Variants in DNAH10 observed in about 807,000 individuals in gnomAD.
DNAH10 encodes the protein dynein axonemal heavy chain 10.
Under a neutral mutation model 506.6 loss-of-function variants are expected in DNAH10, and 348 were observed. That is an observed-to-expected ratio of 0.69 (90% confidence interval 0.63 to 0.75). DNAH10 has a LOEUF of 0.75. DNAH10 is among the 30% of genes least tolerant of loss of function. The pLI is 0.00. For missense variants in DNAH10, 5,179 were observed against 5,787.1 expected, an observed-to-expected ratio of 0.89 and a Z score of 3.41; for synonymous variants, 2,059 against 2,198.6, an observed-to-expected ratio of 0.94 and a Z score of 1.78.
chr12:123,768,906 C>T (rs1411518887), intron 2 of DNAH10, among the ~76,000 whole-genome samples: 1 of 151,664 alleles, frequency 6.6e-6, no homozygotes. Context: ...GCCTGGATGA[C>T]ATTTTGATTT....
chr12:123,857,511 C>T (rs1401699250), intron 37 of DNAH10, among the ~76,000 whole-genome samples: 4 of 152,162 alleles, frequency 2.6e-5, no homozygotes, highest in Admixed American at 6.5e-5. Flanking sequence ...GGGTGGATCA[C>T]GAGGTCAAGA....
intron 48 of DNAH10, 35 bp downstream of exon 48, chr12:123,877,943 C>G (rs1952332910): frequency 1.3e-6 from 2 of 1,599,104 alleles, no homozygotes; most frequent in Admixed American, 3.5e-5. Context: ...ATATGCCCCA[C>G]AGGTATGATA....
At position 123,893,454 on chromosome 12, in the gene DNAH10, T is replaced by C; in HGVS notation, c.9199+18T>C. The C allele has an allele frequency of 6.2e-7, 1 of 1,611,658 alleles. No individual in the cohort carries two copies. The highest frequency in any genetic ancestry group is 2.2e-5 in the East Asian group (1 of 44,868). On this transcript the variant is annotated intron_variant, in intron 53 of 78. Transcript: ENST00000673944. The stretch of plus-strand genomic sequence containing the variant: ...CTTCCCAGGTACCCGCGGTGGAGCC[T>C]GTGAACCCATTTCCCCTGCTTTGGC...
At position 123,889,614 on chromosome 12, in the gene DNAH10, G is replaced by A. The variant is rs537545021; in HGVS notation, c.8995+2301G>A. Among the ~76,000 whole-genome samples, 11 of 152,324 alleles carry A rather than the reference G, an allele frequency of 7.2e-5. No individual in the cohort carries two copies. The South Asian group carries it at 2.3e-3, about 32-fold the overall frequency. On this transcript the variant is annotated intron_variant, in intron 52 of 78. Coordinates refer to ENST00000673944, the MANE Select transcript of DNAH10 (RefSeq NM_001372106.1). ...AAGGGGAGTTGCTGTGAGAGAGAGT[G>A]TGGGCAGGAGCATCTCAGGGCAGAC...
intron 2 of DNAH10, among the ~76,000 whole-genome samples, chr12:123,769,568 C>G (rs927973962): frequency 6.6e-6 from 1 of 152,128 alleles, no homozygotes; most frequent in Non-Finnish European, 1.5e-5. Flanking sequence ...GCTTCGGAGC[C>G]CAGTACATCC....
chr12:123,915,779 C>T (rs1307165754), intron 62 of DNAH10, among the ~76,000 whole-genome samples: 1 of 152,188 alleles, frequency 6.6e-6, no homozygotes, highest in Non-Finnish European at 1.5e-5. Context: ...TGCTGAGGGA[C>T]AGTTGGGTTG....
intron 48 of DNAH10, 130 bp from the exon 49 acceptor site, chr12:123,879,134 G>T (rs994936818): frequency 1.4e-6 from 1 of 695,082 alleles, no homozygotes; most frequent in East Asian, 2.7e-5. Flanking sequence ...GTGAGACTAG[G>T]GGGGCACGAC....
At chr12:123,766,163 A>G (rs7301897) in intron 1 of DNAH10, among the ~76,000 whole-genome samples, 22,379 of 151,774 alleles carry the variant, frequency 0.15, 3,176 homozygotes, top group African/African-American at 0.37. Flanking sequence ...CTATACATCT[A>G]TCTCTCTCTA....
At chr12:123,791,130 CA>C (rs983309372) in intron 11 of DNAH10, among the ~76,000 whole-genome samples, 2 of 149,754 alleles carry the variant, frequency 1.3e-5, no homozygotes, top group African/African-American at 2.5e-5. Flanking sequence ...GACTCTGTCT[CA>C]AAAAAAACCC....
chr12:123,906,731 A>G (rs528765718), intron 57 of DNAH10, among the ~76,000 whole-genome samples: 203 of 152,158 alleles, frequency 1.3e-3, no homozygotes, highest in African/African-American at 4.7e-3. Flanking sequence ...GTTTTTCCAG[A>G]TGAGTAAAAT....
chr12:123,796,653 C>T lies in DNAH10; in HGVS notation c.1987-3C>T, dbSNP rs1246986095. 1 of 1,592,908 alleles carries T rather than the reference C, an allele frequency of 6.3e-7. No homozygotes were observed. Among genetic ancestry groups the T allele is most frequent in the Non-Finnish European group, 8.5e-7 (1 of 1,169,652 alleles). On this transcript the variant is annotated splice_polypyrimidine_tract_variant and splice_region_variant and intron_variant, in intron 12 of 78. Coordinates refer to ENST00000673944, the MANE Select transcript of DNAH10 (RefSeq NM_001372106.1). ...TTACAGAAGCTGTTTGATTGCTTTTCAGATTGACATCATTAATAAAATCTT... is the reference window on the plus strand; with the variant it reads ...TTACAGAAGCTGTTTGATTGCTTTTTAGATTGACATCATTAATAAAATCTT...
intron 1 of DNAH10, among the ~76,000 whole-genome samples, chr12:123,765,512 C>T (rs938351807): frequency 6.6e-6 from 1 of 152,052 alleles, no homozygotes; most frequent in Non-Finnish European, 1.5e-5. Context: ...CAGCCAATCA[C>T]CTACCAACCG....
chr12:123,768,201 C>T (rs1053575182), intron 2 of DNAH10, among the ~76,000 whole-genome samples: 1 of 152,014 alleles, frequency 6.6e-6, no homozygotes, highest in Non-Finnish European at 1.5e-5. Flanking sequence ...ATGGCGTGAT[C>T]TCAGCTCACT....
intron 35 of DNAH10, among the ~76,000 whole-genome samples, chr12:123,852,588 T>A (rs2136743227): frequency 6.6e-6 from 1 of 152,148 alleles, no homozygotes; most frequent in South Asian, 2.1e-4. Flanking sequence ...TTTTTTTTTT[T>A]TTGAGATGGA....
intron 25 of DNAH10, 21 bp downstream of exon 25, chr12:123,826,919 G>A (rs770762028): frequency 3.1e-6 from 5 of 1,592,526 alleles, no homozygotes; most frequent in East Asian, 4.5e-5. Flanking sequence ...TCCTCTGTCC[G>A]CAGATGTAAA....
chr12:123,835,753 C>A (rs951231203), intron 28 of DNAH10, among the ~76,000 whole-genome samples: 6 of 152,092 alleles, frequency 3.9e-5, no homozygotes, highest in Non-Finnish European at 7.4e-5. Context: ...GCCTCCCAAG[C>A]AGCTGGGACT....
chr12:123,880,564 C>T (rs560280062), intron 50 of DNAH10, among the ~76,000 whole-genome samples: 3 of 151,684 alleles, frequency 2.0e-5, no homozygotes, highest in African/African-American at 7.3e-5. Context: ...AGGTTGGTCT[C>T]GAACTCCTGG....
intron 5 of DNAH10, among the ~76,000 whole-genome samples, chr12:123,776,373 G>A (rs952409709): frequency 2.0e-5 from 3 of 151,936 alleles, no homozygotes; most frequent in Admixed American, 6.6e-5. Flanking sequence ...CGGGAGGATC[G>A]CTTGAGGCTA....
At position 123,875,282 on chromosome 12, in the gene DNAH10, GA is replaced by G. The variant is rs1266428236; in HGVS notation, c.7995del (p.Gly2666AlafsTer10). The G allele has an allele frequency of 1.9e-6, 3 of 1,612,844 alleles. No individual in the cohort carries two copies. The highest frequency in any genetic ancestry group is 2.5e-6 in the Non-Finnish European group (3 of 1,179,394). ...CATTGCCTTGCTGAAGCTGCTGTTGGAAAAAGGCTACTTATATGACCGTGGG... is the reference window on the plus strand; with the variant it reads ...CATTGCCTTGCTGAAGCTGCTGTTGGAAAAGGCTACTTATATGACCGTGGG... ...QPIALLKLLL[E>X]KGYLYDRGKE... is the part of the protein sequence containing the mutation. On this transcript the variant is annotated frameshift_variant, in exon 47 of 79. Coordinates refer to ENST00000673944, the MANE Select transcript of DNAH10 (RefSeq NM_001372106.1). LOFTEE classifies it high-confidence loss of function.
Sources: gnomAD v4.1 joint callset for allele counts (sites outside exome capture counted in the v4.1 genomes callset) on GRCh38, gnomAD v4.1.1 for gene constraint, MANE v1.5 for transcripts, NCBI Gene and HGNC (gene_info 2026-07-23, HGNC 2026-07-21) for gene names.